The following KBTBD2 variants were observed in gnomAD, a reference collection of about 807,000 sequenced individuals.
KBTBD2 encodes kelch repeat and BTB domain-containing protein 2.
A neutral mutation model predicts 57.1 loss-of-function variants in KBTBD2; 17 were observed. The observed-to-expected ratio is 0.30, with a 90% CI of 0.20 to 0.45. The LOEUF is 0.45. Among genes scored for constraint, KBTBD2 ranks in the 20% least tolerant of loss-of-function variants. The probability of loss-of-function intolerance (pLI) is 1.00; values close to 1 mark genes in which losing one functional copy is unlikely to be tolerated. For missense variants in KBTBD2, 515 were observed against 750.6 expected (o/e 0.69, Z 3.67); for synonymous variants, 267 against 262.7 (o/e 1.02, Z -0.16).
chr7:32,870,988 A>G (rs906107243), intron 3 of KBTBD2, 108 bp from the exon 4 acceptor site: 3 of 641,916 alleles, frequency 4.7e-6, no homozygotes, highest in Admixed American at 6.7e-5. Flanking sequence ...TGTAATTTTT[A>G]TTTTCAGATA....
intron 3 of KBTBD2, among the ~76,000 whole-genome samples, chr7:32,872,864 G>T (rs1784215583): frequency 6.6e-6 from 1 of 152,142 alleles, no homozygotes; most frequent in Non-Finnish European, 1.5e-5. Flanking sequence ...ATCTGAAACT[G>T]GCTGAACTGG....
intron 1 of KBTBD2, among the ~76,000 whole-genome samples, chr7:32,883,547 T>C (rs7781915): frequency 0.48 from 73,626 of 151,944 alleles, 19,475 homozygotes; most frequent in African/African-American, 0.71. Context: ...GTATGTACTA[T>C]ATTAATTACC....
At chr7:32,878,699 T>A (rs983149427) in intron 2 of KBTBD2, among the ~76,000 whole-genome samples, 2 of 152,174 alleles carry the variant, frequency 1.3e-5, no homozygotes, top group Non-Finnish European at 2.9e-5. Flanking sequence ...TTCACCTTTA[T>A]TCTCCCTGTC....
intron 1 of KBTBD2, among the ~76,000 whole-genome samples, chr7:32,880,828 C>T (rs898384865): frequency 2.6e-5 from 4 of 152,258 alleles, no homozygotes; most frequent in Admixed American, 1.3e-4. Flanking sequence ...ACTGGCCGGG[C>T]ACAGTGGCTC....
chr7:32,880,560 A>AC (rs1468951686), intron 1 of KBTBD2, among the ~76,000 whole-genome samples: 1 of 151,792 alleles, frequency 6.6e-6, no homozygotes, highest in Non-Finnish European at 1.5e-5. Flanking sequence ...TAAAAAAAAA[A>AC]AACATAAAAT....
intron 3 of KBTBD2, 34 bp downstream of exon 3, chr7:32,874,958 G>C: frequency 6.3e-7 from 1 of 1,591,962 alleles, no homozygotes; most frequent in East Asian, 2.2e-5. Context: ...GCAACAGAGA[G>C]AGACTCCGTC....
chr7:32,870,686 C>G lies in KBTBD2; in HGVS notation c.531G>C (p.Leu177=), dbSNP rs1013578517. 2.5e-6 allele frequency: 4 copies of G among 1,614,152 alleles called. No individual in the cohort carries two copies. Among genetic ancestry groups the G allele is most frequent in the South Asian group, 1.1e-5 (1 of 91,068 alleles). ...DAFMQLSHDL[L]IDILSSDNLN... ...AATTGTCACTACTGAGAATATCTAT[C>G]AGTAGGTCATGTGACAGCTGCATGA... The change falls in exon 4 of 4, where the codon CTG becomes CTC. Residue 177 remains leucine (L), a synonymous_variant. Coordinates refer to ENST00000304056, the MANE Select transcript of KBTBD2 (RefSeq NM_015483.3).
At chr7:32,889,292 T>TAA (rs565823381) in intron 1 of KBTBD2, among the ~76,000 whole-genome samples, 28 of 138,258 alleles carry the variant, frequency 2.0e-4, no homozygotes, top group East Asian at 4.3e-4. Context: ...CTCCGTCTCT[T>TAA]AAAAAAAAAA....
intron 2 of KBTBD2, among the ~76,000 whole-genome samples, chr7:32,878,118 A>G (rs550262832): frequency 1.6e-4 from 25 of 151,922 alleles, no homozygotes; most frequent in Admixed American, 3.9e-4. Context: ...TTTAAAAAAA[A>G]AAAAAAAAAA....
intron 1 of KBTBD2, among the ~76,000 whole-genome samples, chr7:32,883,416 T>A (rs1396424928): frequency 6.6e-6 from 1 of 152,070 alleles, no homozygotes; most frequent in African/African-American, 2.4e-5. Flanking sequence ...TGTGAAAATT[T>A]GCAAAGTTTA....
At chr7:32,873,148 A>G (rs1474836221) in intron 3 of KBTBD2, among the ~76,000 whole-genome samples, 1 of 152,160 alleles carries the variant, frequency 6.6e-6, no homozygotes, top group African/African-American at 2.4e-5. Context: ...CAGGAGATGA[A>G]ATGAAGAAAA....
In KBTBD2 at chr7:32,879,751, G is replaced by C; in HGVS notation, c.-147C>G. ...CCAAGACTGACACATTCACTAATGAGTAATATCTTGTTACACAGACTTAGA... is the reference window on the plus strand; with the variant it reads ...CCAAGACTGACACATTCACTAATGACTAATATCTTGTTACACAGACTTAGA... On this transcript the variant is annotated 5_prime_UTR_variant, in exon 2 of 4. Coordinates refer to ENST00000304056, the MANE Select transcript of KBTBD2 (RefSeq NM_015483.3). The C allele has an allele frequency of 1.6e-6, 1 of 631,862 alleles. No homozygotes were observed. The highest frequency in any genetic ancestry group is 1.9e-5 in the South Asian group (1 of 52,288). The allele number at this position is 631,862 out of a possible 1,614,324, so 39.1% of individuals were successfully genotyped here. A position where few individuals can be genotyped will look rare whatever the true frequency, so the allele number is the denominator to read the frequency against.
At chr7:32,874,605 A>C in intron 3 of KBTBD2, 1 of 156,110 alleles carries the variant, frequency 6.4e-6, no homozygotes, top group South Asian at 1.9e-4. Flanking sequence ...CATCTCAAAA[A>C]CATAAATAAA....
chr7:32,871,407 G>A lies in KBTBD2; in HGVS notation c.337-527C>T, dbSNP rs147569559. On this transcript the variant is annotated intron_variant, in intron 3 of 3. Coordinates refer to ENST00000304056, the MANE Select transcript of KBTBD2 (RefSeq NM_015483.3). The stretch of plus-strand genomic sequence containing the variant: ...ACAAAGCAACACGAAATAGACTTAC[G>A]TGCAGTTATAAATCACCTACATTTA... Among the ~76,000 whole-genome samples, 39 of 152,248 alleles carry A rather than the reference G, an allele frequency of 2.6e-4. No homozygotes were observed. The East Asian group carries it at 6.6e-3, about 26-fold the overall frequency.
At chr7:32,875,471 AT>A (rs1784289492) in intron 2 of KBTBD2, among the ~76,000 whole-genome samples, 2 of 151,980 alleles carry the variant, frequency 1.3e-5, no homozygotes, top group South Asian at 2.1e-4. Context: ...AGGCCTCCCT[AT>A]GTTGCCCAGG....
chr7:32,878,595 C>A (rs13310659), intron 2 of KBTBD2, among the ~76,000 whole-genome samples: 23 of 140,810 alleles, frequency 1.6e-4, no homozygotes, highest in African/African-American at 4.3e-4. Flanking sequence ...AAAAAAAAAA[C>A]AAAAACAAAA....
In KBTBD2 at chr7:32,869,358, A is replaced by G. The variant is rs1367294672; in HGVS notation, c.1859T>C (p.Leu620Pro). The change falls in exon 4 of 4, where the codon CTA (leucine) becomes CCA (proline). Residue 620 changes from leucine (L) to proline (P), a missense_variant. Transcript: ENST00000304056. ...TGAACTTCCCCACTATACAGGTGGT[A>G]GTGCAACCATTTCTCCATCCAGTTC... Reference protein sequence around the residue: ...EFELDGEMVALPPV With the variant: ...EFELDGEMVAPPPV 2 of 1,609,156 alleles carry G rather than the reference A, an allele frequency of 1.2e-6. No individual in the cohort carries two copies.
chr7:32,869,605 T>A lies in KBTBD2; in HGVS notation c.1612A>T (p.Met538Leu), dbSNP rs1036310616. The A allele has an allele frequency of 1.2e-6, 2 of 1,614,174 alleles. No homozygotes were observed. Among genetic ancestry groups the A allele is most frequent in the Non-Finnish European group, 1.7e-6 (2 of 1,180,020 alleles). ...VVISNSLCVF[M>L]RETHLNERAK... is the part of the protein sequence containing the mutation. ...CGCTCATTTAAGTGGGTTTCTCGCA[T>A]AAACACACATAGAGAATTTGAGATC... Residue 538 changes from methionine to leucine, a missense_variant, in exon 4 of 4, where the codon ATG becomes TTG. Coordinates refer to ENST00000304056, the MANE Select transcript of KBTBD2 (RefSeq NM_015483.3).
At position 32,879,777 on chromosome 7, in the gene KBTBD2, A is replaced by AT. The variant is rs1308006603; in HGVS notation, c.-174dup. On this transcript the variant is annotated 5_prime_UTR_variant, in exon 2 of 4. Coordinates refer to ENST00000304056, the MANE Select transcript of KBTBD2 (RefSeq NM_015483.3). Reference sequence around the variant, plus strand: ...TAATATCTTGTTACACAGACTTAGAATCACTCCTAGGTCATCCTGTGTTAA... The same window carrying AT: ...TAATATCTTGTTACACAGACTTAGAATTCACTCCTAGGTCATCCTGTGTTAA... 8 of 586,862 alleles carry AT rather than the reference A, an allele frequency of 1.4e-5. No individual in the cohort carries two copies. The East Asian group carries it at 2.3e-4, about 17-fold the overall frequency. The allele number at this position is 586,862 out of a possible 1,614,324, so 36.4% of individuals were successfully genotyped here. A position where few individuals can be genotyped will look rare whatever the true frequency, so the allele number is the denominator to read the frequency against.
Sources: allele counts gnomAD v4.1 joint callset (sites outside exome capture counted in the v4.1 genomes callset), GRCh38; gene constraint gnomAD v4.1.1; transcripts MANE v1.5; gene names NCBI Gene and HGNC (gene_info 2026-07-23, HGNC 2026-07-21).